The following FSIP2 variants were observed in gnomAD, a reference collection of about 807,000 sequenced individuals.
FSIP2 encodes fibrous sheath-interacting protein 2.
FSIP2 carries 367 observed loss-of-function variants against 510.5 expected under a neutral mutation model. The observed-to-expected ratio is 0.72, with a 90% CI of 0.66 to 0.78. The LOEUF is 0.78. FSIP2 is among the 30% of genes least tolerant of loss of function. The pLI is 0.00. For missense variants in FSIP2, 7,594 were observed against 7,901.7 expected (o/e 0.96, Z 1.48); for synonymous variants, 2,601 against 2,732.2 (o/e 0.95, Z 1.50).
chr2:185,828,362 G>T (rs1694051643), intron 21 of FSIP2, among the ~76,000 whole-genome samples, 163 bp downstream of exon 21: 1 of 151,792 alleles, frequency 6.6e-6, no homozygotes, highest in Non-Finnish European at 1.5e-5. Flanking sequence ...TCCTAGCTGA[G>T]GCCTGTCCCT....
At chr2:185,775,526 G>A (rs1014726308) in intron 13 of FSIP2, among the ~76,000 whole-genome samples, 1 of 151,892 alleles carries the variant, frequency 6.6e-6, no homozygotes, top group Non-Finnish European at 1.5e-5. Context: ...CATTTTGTAG[G>A]TTGCCTGTTC....
In FSIP2 at chr2:185,790,708, G is replaced by A. The variant is rs913647028; in HGVS notation, c.3572G>A (p.Ser1191Asn). The A allele has an allele frequency of 7.2e-5, 111 of 1,533,746 alleles. No individual in the cohort carries two copies. Among genetic ancestry groups the A allele is most frequent in the Non-Finnish European group, 9.2e-5 (105 of 1,145,416 alleles). The change falls in exon 16 of 23, where the codon AGT (serine) becomes AAT (asparagine). Residue 1191 changes from serine to asparagine, a missense_variant. Ser to Asn is a conservative substitution (Grantham distance 46). Coordinates refer to ENST00000424728, the MANE Select transcript of FSIP2 (RefSeq NM_173651.4). The stretch of plus-strand genomic sequence containing the variant: ...AACTACATTTCCAATACCACTAAAA[G>A]TTCCATTTCATCATCAGTTCATCAG... ...ASNYISNTTK[S>N]SISSSVHQIS...
At position 185,803,125 on chromosome 2, in the gene FSIP2, G is replaced by A. The variant is rs1423614683; in HGVS notation, c.13819G>A (p.Asp4607Asn). 6.6e-7 allele frequency: 1 copy of A among 1,520,870 alleles called. No homozygotes were observed. The allele number at this position is 1,520,870 out of a possible 1,614,324, so 94.2% of individuals were successfully genotyped here. The stretch of plus-strand genomic sequence containing the variant: ...ATCTTCATCAGACACATATTTTGAT[G>A]ATGAGAGAAGGCAGTTATTTTATAC... Reference protein sequence around the residue: ...SLSSSDTYFDDERRQLFYTSV... With the variant: ...SLSSSDTYFDNERRQLFYTSV... The change falls in exon 17 of 23, where the codon GAT becomes AAT. Residue 4607 changes from aspartate to asparagine, a missense_variant. Coordinates refer to ENST00000424728, the MANE Select transcript of FSIP2 (RefSeq NM_173651.4).
chr2:185,801,911 A>G lies in FSIP2; in HGVS notation c.12605A>G (p.Gln4202Arg). Residue 4202 changes from glutamine (Q) to arginine (R), a missense_variant, in exon 17 of 23, where the codon CAA (glutamine) becomes CGA (arginine). Physicochemically the swap from Gln to Arg is conservative, Grantham distance 43. Coordinates refer to ENST00000424728, the MANE Select transcript of FSIP2 (RefSeq NM_173651.4). Reference protein sequence around the residue: ...HKIWFTIYDNQYLYTGKNLQK... With the variant: ...HKIWFTIYDNRYLYTGKNLQK... Reference sequence around the variant, plus strand: ...ATCTGGTTCACTATATATGATAATCAATATCTATATACTGGAAAAAACCTC... The same window carrying G: ...ATCTGGTTCACTATATATGATAATCGATATCTATATACTGGAAAAAACCTC... 2.0e-6 allele frequency: 3 copies of G among 1,497,724 alleles called. No individual in the cohort carries two copies. Among genetic ancestry groups the G allele is most frequent in the Non-Finnish European group, 2.7e-6 (3 of 1,119,904 alleles). 92.8% of individuals were successfully genotyped at this position (1,497,724 alleles called of 1,614,324 possible).
Position 185,803,679 on chromosome 2 carries a change from T to C in FSIP2, c.14373T>C (p.His4791=), listed in dbSNP as rs1364720917. 9 of 1,531,934 alleles carry C rather than the reference T, an allele frequency of 5.9e-6. No homozygotes were observed. Among genetic ancestry groups the C allele is most frequent in the Non-Finnish European group, 7.9e-6 (9 of 1,144,140 alleles). 94.9% of individuals were successfully genotyped at this position (1,531,934 alleles called of 1,614,324 possible). ...ASTMYTTMLS[H]SHLEKIVTQL... is the part of the protein sequence containing the mutation. ...CAATGTATACCACTATGTTATCACA[T>C]AGTCATTTGGAAAAAATAGTTACTC... Residue 4791 remains histidine (H), a synonymous_variant, in exon 17 of 23, where the codon CAT becomes CAC. Coordinates refer to ENST00000424728, the MANE Select transcript of FSIP2 (RefSeq NM_173651.4).
chr2:185,787,169 T>A (rs1693008156), intron 15 of FSIP2, among the ~76,000 whole-genome samples: 1 of 151,854 alleles, frequency 6.6e-6, no homozygotes. Flanking sequence ...CTATAAACAT[T>A]TAGGTATGAT....
At chr2:185,762,410 T>C (rs1465208147) in intron 11 of FSIP2, among the ~76,000 whole-genome samples, 1 of 151,408 alleles carries the variant, frequency 6.6e-6, no homozygotes, top group Non-Finnish European at 1.5e-5. Context: ...AAATATTCAT[T>C]ACCCAATATC....
At chr2:185,740,702 T>TG (rs1224626371) in intron 2 of FSIP2, among the ~76,000 whole-genome samples, 4 of 152,124 alleles carry the variant, frequency 2.6e-5, no homozygotes, top group African/African-American at 9.7e-5. Context: ...CAGATTCTCG[T>TG]GGGGGTCCTT....
In FSIP2 at chr2:185,792,152, A is replaced by T. The variant is rs558626267; in HGVS notation, c.5016A>T (p.Pro1672=). 1.3e-6 allele frequency: 2 copies of T among 1,533,274 alleles called. No homozygotes were observed. Among genetic ancestry groups the T allele is most frequent in the East Asian group, 4.9e-5 (2 of 40,846 alleles). The allele number at this position is 1,533,274 out of a possible 1,614,324, so 95.0% of individuals were successfully genotyped here. ...ATTTGAAGACAAGTGTAGAAAACCC[A>T]CCACCTGAGACTCAAATACTTAAGT... ...SSDLKTSVEN[P]PPETQILKYV... The change falls in exon 16 of 23, where the codon CCA becomes CCT. Residue 1672 remains proline, a synonymous_variant. Coordinates refer to ENST00000424728, the MANE Select transcript of FSIP2 (RefSeq NM_173651.4).
chr2:185,822,012 TTAAA>T (rs1221091471), intron 19 of FSIP2, among the ~76,000 whole-genome samples: 9 of 151,240 alleles, frequency 6.0e-5, no homozygotes, highest in Admixed American at 6.6e-5. Flanking sequence ...TTGACGAAAG[TTAAA>T]TAGTTTACAT....
Position 185,796,807 on chromosome 2 carries a change from C to T in FSIP2, c.9671C>T (p.Thr3224Met), listed in dbSNP as rs368453153. ...VEDTVKNSEP[T>M]KRPDSETMPS... ...GACACAGTTAAAAACTCAGAGCCAA[C>T]GAAAAGGCCTGATTCAGAAACTATG... Residue 3224 changes from threonine to methionine, a missense_variant, in exon 16 of 23, where the codon ACG becomes ATG. Transcript: ENST00000424728. 1.4e-4 allele frequency: 219 copies of T among 1,535,034 alleles called. 3 individuals are homozygous for T. The East Asian group carries it at 2.1e-3, about 15-fold the overall frequency.
intron 12 of FSIP2, 83 bp downstream of exon 12, chr2:185,763,372 G>T: frequency 7.2e-6 from 5 of 695,826 alleles, no homozygotes; most frequent in Non-Finnish European, 1.3e-5. Context: ...AAAATGTCAT[G>T]ATTTATGTAA....
chr2:185,793,446 A>G lies in FSIP2; in HGVS notation c.6310A>G (p.Lys2104Glu), dbSNP rs758638089. Residue 2104 changes from lysine to glutamate, a missense_variant, in exon 16 of 23, where the codon AAA (lysine) becomes GAA (glutamate). Transcript: ENST00000424728. Reference protein sequence around the residue: ...IEGILCDIYEKTLFQNNLSFA... With the variant: ...IEGILCDIYEETLFQNNLSFA... ...AGGTATCCTATGTGATATTTATGAA[A>G]AAACCCTGTTTCAGAATAATCTCTC... 33 of 1,534,292 alleles carry G rather than the reference A, an allele frequency of 2.2e-5. No homozygotes were observed. In the East Asian group the frequency reaches 2.9e-4, roughly 14 times the overall value.
At chr2:185,739,239 G>A in intron 1 of FSIP2, 107 bp from the exon 2 acceptor site, 1 of 1,278,274 alleles carries the variant, frequency 7.8e-7, no homozygotes, top group South Asian at 1.6e-5. Flanking sequence ...CCCGAACCCT[G>A]ATTGTATAAT....
rs1306716742 is a variant in FSIP2, at chr2:185,793,077, G to A, written c.5941G>A (p.Val1981Ile). 2.6e-6 allele frequency: 4 copies of A among 1,534,396 alleles called. No individual in the cohort carries two copies. The highest frequency in any genetic ancestry group is 4.9e-5 in the East Asian group (2 of 40,846). ...TGATGAGCAATTTTCCTGTTGCTCA[G>A]TAGATCATACCAAGTCAGGAAAGAC... ...YSDEQFSCCS[V>I]DHTKSGKTNL... Residue 1981 changes from valine (V) to isoleucine (I), a missense_variant, in exon 16 of 23, where the codon GTA (valine) becomes ATA (isoleucine). Transcript: ENST00000424728.
Position 185,773,200 on chromosome 2 carries a change from C to T in FSIP2, c.1411+8635C>T, listed in dbSNP as rs181686355. Among the ~76,000 whole-genome samples, 31 of 152,234 alleles carry T rather than the reference C, an allele frequency of 2.0e-4. 1 individual carries two copies. Among genetic ancestry groups the T allele is most frequent in the Admixed American group, 1.4e-3 (22 of 15,268 alleles). The stretch of plus-strand genomic sequence containing the variant: ...ATAGGACCAGTTTAGTGGTGATGAA[C>T]TCCCTCGGTATTTGCTTGTTTGGGA... On this transcript the variant is annotated intron_variant, in intron 13 of 22. Transcript: ENST00000424728.
At chr2:185,815,734 A>T (rs1479816812) in intron 19 of FSIP2, among the ~76,000 whole-genome samples, 1 of 152,004 alleles carries the variant, frequency 6.6e-6, no homozygotes, top group African/African-American at 2.4e-5. Flanking sequence ...AGTATTTGCT[A>T]ATGTATTAGG....
intron 12 of FSIP2, among the ~76,000 whole-genome samples, chr2:185,764,204 A>G (rs1692413894): frequency 6.6e-6 from 1 of 151,648 alleles, no homozygotes; most frequent in Non-Finnish European, 1.5e-5. Context: ...ATCCATATTA[A>G]ATCTTAGATG....
chr2:185,765,555 T>C (rs899847540), intron 13 of FSIP2: 1 of 152,204 alleles, frequency 6.6e-6, no homozygotes, highest in African/African-American at 2.4e-5. Context: ...AGCCTTGTAG[T>C]ATAGTTTGAA....
Sources: gnomAD v4.1 joint callset for allele counts (sites outside exome capture counted in the v4.1 genomes callset) on GRCh38, gnomAD v4.1.1 for gene constraint, MANE v1.5 for transcripts, NCBI Gene and HGNC (gene_info 2026-07-23, HGNC 2026-07-21) for gene names.